Variants in ALOX5 observed in about 807,000 individuals in gnomAD.
ALOX5 encodes polyunsaturated fatty acid 5-lipoxygenase.
Under a neutral mutation model 87.9 loss-of-function variants are expected in ALOX5, and 64 were observed. That is an observed-to-expected ratio of 0.73 (90% CI 0.60 to 0.90). ALOX5 has a LOEUF of 0.90. ALOX5 is among the 40% of genes least tolerant of loss of function. The pLI, the probability that ALOX5 is intolerant of heterozygous loss-of-function variation, is 0.00. For synonymous variants in ALOX5, 388 were observed against 355.1 expected (o/e 1.09, Z -1.04); for missense variants, 822 against 907.5 (o/e 0.91, Z 1.21).
At chr10:45,430,583 A>G (rs553486937) in intron 7 of ALOX5, among the ~76,000 whole-genome samples, 1 of 152,262 alleles carries the variant, frequency 6.6e-6, no homozygotes, top group East Asian at 1.9e-4. Context: ...CACACCTGTG[A>G]ATAGCCACAG....
intron 4 of ALOX5, among the ~76,000 whole-genome samples, chr10:45,419,211 G>C (rs1841411880): frequency 6.6e-6 from 1 of 152,258 alleles, no homozygotes; most frequent in African/African-American, 2.4e-5. Context: ...TTTGCGGTCA[G>C]GTGAAGGCGC....
At chr10:45,410,353 C>T (rs1341794990) in intron 3 of ALOX5, among the ~76,000 whole-genome samples, 2 of 152,176 alleles carry the variant, frequency 1.3e-5, no homozygotes, top group Non-Finnish European at 2.9e-5. Context: ...TGTTAATATA[C>T]TATCATTGGC....
chr10:45,409,766 C>T (rs1435634627), intron 3 of ALOX5, among the ~76,000 whole-genome samples: 1 of 152,230 alleles, frequency 6.6e-6, no homozygotes, highest in Admixed American at 6.5e-5. Flanking sequence ...TGCAGGCCTT[C>T]GGCTCCTGTG....
At chr10:45,435,101 T>G (rs1842021567) in intron 7 of ALOX5, among the ~76,000 whole-genome samples, 1 of 152,012 alleles carries the variant, frequency 6.6e-6, no homozygotes, top group Non-Finnish European at 1.5e-5. Context: ...GAAGGATGGG[T>G]TGGGGAAGGC....
chr10:45,437,780 G>T (rs1842102371), intron 7 of ALOX5, among the ~76,000 whole-genome samples: 1 of 152,234 alleles, frequency 6.6e-6, no homozygotes, highest in South Asian at 2.1e-4. Context: ...AGACTGTGAG[G>T]TTTGGCTCCA....
chr10:45,418,616 G>A (rs944767847), intron 4 of ALOX5, among the ~76,000 whole-genome samples: 15 of 152,120 alleles, frequency 9.9e-5, no homozygotes, highest in African/African-American at 3.4e-4. Flanking sequence ...CTTTGCAGCC[G>A]GGGGCCATCT....
At chr10:45,394,104 C>T (rs189063597) in intron 2 of ALOX5, among the ~76,000 whole-genome samples, 16 of 152,298 alleles carry the variant, frequency 1.1e-4, no homozygotes, top group Middle Eastern at 3.4e-3. Context: ...GAAAAATCTA[C>T]GTTAAAGTTC....
chr10:45,417,757 A>G (rs1164367561), intron 4 of ALOX5, among the ~76,000 whole-genome samples: 1 of 152,184 alleles, frequency 6.6e-6, no homozygotes, highest in Non-Finnish European at 1.5e-5. Context: ...TCCTACATGC[A>G]TAGGATGCTC....
rs749735154 is a variant in ALOX5 at position 45,396,686 on chromosome 10, C to T, written c.431+750C>T. Among the ~76,000 whole-genome samples, 17 of 152,308 alleles carry T rather than the reference C, an allele frequency of 1.1e-4. No individual in the cohort carries two copies. The South Asian group carries it at 1.7e-3, about 15-fold the overall frequency. On this transcript the variant is annotated intron_variant, in intron 3 of 13. Coordinates refer to ENST00000374391, the MANE Select transcript of ALOX5 (RefSeq NM_000698.5). ...AATTAATACTGATCTTGCATAAACT[C>T]TTTTAAGAAATAGAAGGAACACTTC...
At chr10:45,375,689 G>A (rs1481809066) in intron 1 of ALOX5, among the ~76,000 whole-genome samples, 2 of 150,004 alleles carry the variant, frequency 1.3e-5, no homozygotes, top group Admixed American at 1.3e-4. Context: ...CTCTCCATGG[G>A]CTCGATTCCT....
rs1841679902 is a variant in ALOX5, at chr10:45,425,699, A to T, written c.834+567A>T. Among the ~76,000 whole-genome samples, 1 of 152,200 alleles carries T rather than the reference A, an allele frequency of 6.6e-6. No homozygotes were observed. Among genetic ancestry groups the T allele is most frequent in the Admixed American group, 6.5e-5 (1 of 15,290 alleles). On this transcript the variant is annotated intron_variant, in intron 6 of 13. Coordinates refer to ENST00000374391, the MANE Select transcript of ALOX5 (RefSeq NM_000698.5). This position sits in a 1 kb window ranked among gnomAD's most constrained non-coding sequence, Gnocchi z 4.4. Reference sequence around the variant, plus strand: ...GCTGACCTAGTCTTGAGACAGAAGAAGTTCAAACCAACTCCACCTGGATCT... The same window carrying T: ...GCTGACCTAGTCTTGAGACAGAAGATGTTCAAACCAACTCCACCTGGATCT...
At chr10:45,423,342 G>T (rs1293636551) in intron 4 of ALOX5, among the ~76,000 whole-genome samples, 1 of 152,184 alleles carries the variant, frequency 6.6e-6, no homozygotes, top group African/African-American at 2.4e-5. Flanking sequence ...AGTGTGTCAT[G>T]GTGAACACTG....
chr10:45,383,241 A>G (rs930080190), intron 2 of ALOX5, among the ~76,000 whole-genome samples: 12 of 152,274 alleles, frequency 7.9e-5, no homozygotes, highest in African/African-American at 2.2e-4. Flanking sequence ...TGAAAGAAAG[A>G]AGAACCTCAA....
At chr10:45,427,953 G>A (rs964897706) in intron 6 of ALOX5, among the ~76,000 whole-genome samples, 1 of 152,048 alleles carries the variant, frequency 6.6e-6, no homozygotes, top group Non-Finnish European at 1.5e-5. Flanking sequence ...GGCACAACAC[G>A]CCAACCCTGC....
chr10:45,389,092 A>G (rs532352093), intron 2 of ALOX5, among the ~76,000 whole-genome samples: 1 of 152,260 alleles, frequency 6.6e-6, no homozygotes, highest in Non-Finnish European at 1.5e-5. Context: ...AAAGGGTATC[A>G]GTGACTGAAG....
intron 3 of ALOX5, among the ~76,000 whole-genome samples, chr10:45,409,924 T>A (rs553865957): frequency 1.3e-5 from 2 of 152,372 alleles, no homozygotes; most frequent in African/African-American, 4.8e-5. Flanking sequence ...ACCACACAAG[T>A]GGGGCATTTC....
At position 45,412,954 on chromosome 10, in the gene ALOX5, G is replaced by A. The variant is rs182723204; in HGVS notation, c.554+641G>A. On this transcript the variant is annotated intron_variant, in intron 4 of 13. Transcript: ENST00000374391. The stretch of plus-strand genomic sequence containing the variant: ...TGCTTGTTAAACATATGGATCCCCC[G>A]ACCCTATCCCAGGACTACTGAGTGT... Among the ~76,000 whole-genome samples, 637 of 152,220 alleles carry A rather than the reference G, an allele frequency of 4.2e-3. 6 individuals are homozygous for A. The highest frequency in any genetic ancestry group is 0.014 in the African/African-American group (601 of 41,550).
At chr10:45,424,890 G>T in intron 5 of ALOX5, 70 bp from the exon 6 acceptor site, 2 of 1,580,352 alleles carry the variant, frequency 1.3e-6, no homozygotes, top group South Asian at 2.3e-5. Flanking sequence ...CTTAGGTGAG[G>T]TCAGGAGGGC....
intron 2 of ALOX5, among the ~76,000 whole-genome samples, chr10:45,386,409 G>A (rs1207564737): frequency 6.6e-6 from 1 of 151,946 alleles, no homozygotes; most frequent in African/African-American, 2.4e-5. Context: ...AAGGCTGCAG[G>A]GAGCTATGAT....
Sources: allele counts gnomAD v4.1 joint callset (sites outside exome capture counted in the v4.1 genomes callset), GRCh38; gene constraint gnomAD v4.1.1; non-coding constraint Gnocchi (gnomAD v3.1); transcripts MANE v1.5; gene names NCBI Gene and HGNC (gene_info 2026-07-23, HGNC 2026-07-21).